ZNF20: variants seen among roughly 807,000 people sequenced by gnomAD.
ZNF20 encodes the protein zinc finger protein KOX13.
ZNF20 carries 9 observed loss-of-function variants against 11.0 expected under a neutral mutation model. That is an observed-to-expected ratio of 0.82 (90% CI 0.49 to 1.43). ZNF20 has a LOEUF of 1.43. Among genes scored for constraint, ZNF20 ranks in the 40% most tolerant of loss-of-function variants. The pLI is 0.00. For missense variants in ZNF20, 528 were observed against 640.8 expected, an observed-to-expected ratio of 0.82 and a Z score of 1.90; for synonymous variants, 182 against 213.0, an observed-to-expected ratio of 0.85 and a Z score of 1.27.
At chr19:12,136,130 A>T (rs898093595) in intron 1 of ZNF20, among the ~76,000 whole-genome samples, 6 of 151,874 alleles carry the variant, frequency 4.0e-5, no homozygotes, top group Non-Finnish European at 5.9e-5. Context: ...TAATCCCAGC[A>T]CTTTGGGAGG....
At chr19:12,136,424 A>G (rs10408384) in intron 1 of ZNF20, among the ~76,000 whole-genome samples, 2,217 of 150,872 alleles carry the variant, frequency 0.015, 49 homozygotes, top group African/African-American at 0.052. Flanking sequence ...GCTCATGCCT[A>G]TAATCCCAGC....
intron 1 of ZNF20, among the ~76,000 whole-genome samples, chr19:12,136,457 G>A (rs954023622): frequency 2.0e-5 from 3 of 150,976 alleles, no homozygotes; most frequent in East Asian, 3.9e-4. Context: ...CAAGGTGGGC[G>A]GATCACCTGA....
At chr19:12,138,301 G>A (rs535606698) in intron 1 of ZNF20, among the ~76,000 whole-genome samples, 64 of 151,882 alleles carry the variant, frequency 4.2e-4, no homozygotes, top group African/African-American at 1.5e-3. Context: ...TAAAATACAT[G>A]GGGTATGGTG....
intron 3 of ZNF20, 107 bp downstream of exon 3, chr19:12,135,393 A>T: frequency 8.7e-7 from 1 of 1,146,278 alleles, no homozygotes; most frequent in Non-Finnish European, 1.3e-6. Context: ...ACCCACCTCG[A>T]CCTCCCAAAG....
intron 1 of ZNF20, among the ~76,000 whole-genome samples, chr19:12,136,614 G>A (rs1976715741): frequency 6.6e-6 from 1 of 152,040 alleles, no homozygotes; most frequent in Non-Finnish European, 1.5e-5. Flanking sequence ...TTGAACCCGG[G>A]AGGCAGAGAT....
In ZNF20 at chr19:12,140,314, C is replaced by T; in HGVS notation, c.-132G>A. On this transcript the variant is annotated 5_prime_UTR_variant, in exon 1 of 4. Coordinates refer to ENST00000334213, the MANE Select transcript of ZNF20 (RefSeq NM_021143.4). ...CCTCTCGGAGTAGGAAATCTGGTAT[C>T]CCGACAACAACCTGCATAGCAACAA... 1 of 1,179,982 alleles carries T rather than the reference C, an allele frequency of 8.5e-7. No homozygotes were observed. The highest frequency in any genetic ancestry group is 2.5e-5 in the East Asian group (1 of 39,252). 73.1% of individuals were successfully genotyped at this position (1,179,982 alleles called of 1,614,324 possible).
At position 12,133,118 on chromosome 19, in the gene ZNF20, C is replaced by A. The variant is rs749264919; in HGVS notation, c.1068G>T (p.Arg356Ser). 5 of 1,612,768 alleles carry A rather than the reference C, an allele frequency of 3.1e-6. No individual in the cohort carries two copies. The highest frequency in any genetic ancestry group is 1.3e-5 in the African/African-American group (1 of 74,472). ...TATCCTCAGTGTGTGTCTTTTCATG[C>A]CTTTGAAGGTCCGAGGTACATCTGA... Reference protein sequence around the residue: ...KAFRCTSDLQRHEKTHTEDKP... With the variant: ...KAFRCTSDLQSHEKTHTEDKP... Residue 356 changes from arginine (R) to serine (S), a missense_variant, in exon 4 of 4, where the codon AGG becomes AGT. Physicochemically the swap from Arg to Ser is moderately radical, Grantham distance 110. Coordinates refer to ENST00000334213, the MANE Select transcript of ZNF20 (RefSeq NM_021143.4).
At chr19:12,134,239 G>A (rs10424693) in intron 3 of ZNF20, among the ~76,000 whole-genome samples, 2,216 of 152,074 alleles carry the variant, frequency 0.015, 50 homozygotes, top group African/African-American at 0.051. Flanking sequence ...TGGGAGAATC[G>A]CCTGAACCCC....
rs1976651096 is a variant in ZNF20, at chr19:12,133,119, C to T, written c.1067G>A (p.Arg356Lys). 1.2e-6 allele frequency: 2 copies of T among 1,612,306 alleles called. No homozygotes were observed. Among genetic ancestry groups the T allele is most frequent in the South Asian group, 1.1e-5 (1 of 91,006 alleles). ...ATCCTCAGTGTGTGTCTTTTCATGCCTTTGAAGGTCCGAGGTACATCTGAA... is the reference window on the plus strand; with the variant it reads ...ATCCTCAGTGTGTGTCTTTTCATGCTTTTGAAGGTCCGAGGTACATCTGAA... ...KAFRCTSDLQRHEKTHTEDKP... is the reference protein window; with the variant it reads ...KAFRCTSDLQKHEKTHTEDKP... The change falls in exon 4 of 4, where the codon AGG becomes AAG. Residue 356 changes from arginine (R) to lysine (K), a missense_variant. Arg to Lys is a conservative substitution (Grantham distance 26). Coordinates refer to ENST00000334213, the MANE Select transcript of ZNF20 (RefSeq NM_021143.4).
rs144638502 is a variant in ZNF20, at chr19:12,133,085, A to G, written c.1101T>C (p.Tyr367=). Residue 367 remains tyrosine (Y), a synonymous_variant, in exon 4 of 4, where the codon TAT becomes TAC. Transcript: ENST00000334213. ...HEKTHTEDKP[Y]GCKQCGKGFR... ...AGCCTTTCCCACACTGCTTACATCC[A>G]TAGGGTTTATCCTCAGTGTGTGTCT... 19,030 of 1,614,062 alleles carry G rather than the reference A, an allele frequency of 0.012. 140 individuals are homozygous for G. Among genetic ancestry groups the G allele is most frequent in the Non-Finnish European group, 0.014 (16,325 of 1,180,010 alleles).
rs1259864242 is a variant in ZNF20 at position 12,131,793 on chromosome 19, C to T, written c.*794G>A. The T allele has an allele frequency of 6.6e-6, 1 of 152,182 alleles. No individual in the cohort carries two copies. The highest frequency in any genetic ancestry group is 1.5e-5 in the Non-Finnish European group (1 of 68,030). The allele number at this position is 152,182 out of a possible 1,614,324, so 9.4% of individuals were successfully genotyped here. A position where few individuals can be genotyped will look rare whatever the true frequency, so the allele number is the denominator to read the frequency against. On this transcript the variant is annotated 3_prime_UTR_variant, in exon 4 of 4. Transcript: ENST00000334213. ...TAAGCTTATTTCTAAAATACATGAA[C>T]AGAAGTATTTGTTGCCAAGAAACCG...
chr19:12,137,301 G>GAA (rs756283827), intron 1 of ZNF20: 5 of 128,060 alleles, frequency 3.9e-5, no homozygotes, highest in Non-Finnish European at 8.5e-5. Context: ...GACTGTCTCA[G>GAA]AAAAAAAAAA....
chr19:12,132,615 T>C lies in ZNF20; in HGVS notation c.1571A>G (p.His524Arg). The C allele has an allele frequency of 6.2e-7, 1 of 1,602,330 alleles. No individual in the cohort carries two copies. The highest frequency in any genetic ancestry group is 8.5e-7 in the Non-Finnish European group (1 of 1,175,874). ...AFIRASSCRE[H>R]ERTHTINR The stretch of plus-strand genomic sequence containing the variant: ...TCTATTAATGGTATGAGTTCTTTCA[T>C]GTTCTCGACATGAACTGGCACGAAT... The change falls in exon 4 of 4, where the codon CAT becomes CGT. Residue 524 changes from histidine (H) to arginine (R), a missense_variant. Physicochemically the swap from His to Arg is conservative, Grantham distance 29. Transcript: ENST00000334213.
rs563780267 is a variant in ZNF20 at position 12,137,997 on chromosome 19, A to G, written c.4-2093T>C. 1.9e-4 allele frequency among the ~76,000 whole-genome samples: 29 copies of G among 152,252 alleles called. No individual in the cohort carries two copies. The East Asian group carries it at 4.8e-3, about 25-fold the overall frequency. ...TTTGGGAGATCCCACACCCTGCCTC[A>G]GGCTATCCTCTGGGAGGACTGACAC... On this transcript the variant is annotated intron_variant, in intron 1 of 3. Transcript: ENST00000334213.
chr19:12,136,857 G>A (rs766724207), intron 1 of ZNF20: 206 of 450,106 alleles, frequency 4.6e-4, no homozygotes, highest in African/African-American at 4.0e-3. Flanking sequence ...TTACCAGAAG[G>A]AACAGGGACA....
chr19:12,140,118 C>T (rs1976776979), intron 1 of ZNF20, 62 bp downstream of exon 1: 7 of 1,565,458 alleles, frequency 4.5e-6, no homozygotes, highest in Middle Eastern at 3.5e-4. Flanking sequence ...CCACCACAGC[C>T]GCTTCCGGCC....
chr19:12,138,178 C>T (rs991901903), intron 1 of ZNF20, among the ~76,000 whole-genome samples: 4 of 152,142 alleles, frequency 2.6e-5, no homozygotes, highest in East Asian at 3.8e-4. Flanking sequence ...AGGCCAGGCA[C>T]GGTGGCTCAC....
Position 12,135,420 on chromosome 19 carries a change from G to A in ZNF20, c.200+80C>T, listed in dbSNP as rs565147905. 27 of 1,451,382 alleles carry A rather than the reference G, an allele frequency of 1.9e-5. No homozygotes were observed. The East Asian group carries it at 4.8e-4, about 26-fold the overall frequency. The allele number at this position is 1,451,382 out of a possible 1,614,324, so 89.9% of individuals were successfully genotyped here. On this transcript the variant is annotated intron_variant, in intron 3 of 3. Coordinates refer to ENST00000334213, the MANE Select transcript of ZNF20 (RefSeq NM_021143.4). ...CTCCCAAAGTGCTGGGATTACAGGC[G>A]TGAGCCACTGTACCCGGCCTATTTT... is the stretch of plus-strand genomic sequence containing the variant.
chr19:12,133,182 C>A lies in ZNF20; in HGVS notation c.1004G>T (p.Gly335Val), dbSNP rs763616103. ...HLQKHGRTHT[G>V]EKPYECRQCG... The stretch of plus-strand genomic sequence containing the variant: ...TTGCCTACATTCATAGGGTTTCTCT[C>A]CAGTGTGAGTCCTTCCATGCTTTTG... The change falls in exon 4 of 4, where the codon GGA (glycine) becomes GTA (valine). Residue 335 changes from glycine (G) to valine (V), a missense_variant. Coordinates refer to ENST00000334213, the MANE Select transcript of ZNF20 (RefSeq NM_021143.4). 6.2e-7 allele frequency: 1 copy of A among 1,613,776 alleles called. No homozygotes were observed. The highest frequency in any genetic ancestry group is 1.1e-5 in the South Asian group (1 of 91,088).
Sources: allele counts gnomAD v4.1 joint callset (sites outside exome capture counted in the v4.1 genomes callset), GRCh38; gene constraint gnomAD v4.1.1; transcripts MANE v1.5; gene names NCBI Gene and HGNC (gene_info 2026-07-23, HGNC 2026-07-21).